CXXC5: variants seen among roughly 807,000 people sequenced by gnomAD.
CXXC5 encodes CXXC finger protein 5, also known as CXXC-type zinc finger protein 5.
A neutral mutation model predicts 17.6 loss-of-function variants in CXXC5; 2 were observed. The ratio of observed to expected loss-of-function variants is 0.11; its 90% CI spans 0.05 to 0.36. The LOEUF is 0.36. CXXC5 is among the 10% of genes least tolerant of loss of function. The pLI is 1.00. For synonymous variants in CXXC5, 171 were observed against 193.0 expected (o/e 0.89, Z 0.94); for missense variants, 343 against 458.3 (o/e 0.75, Z 2.30).
At chr5:139,648,949 G>C (rs912103127) in intron 1 of CXXC5, 104 bp downstream of exon 1, 1 of 152,238 alleles carries the variant, frequency 6.6e-6, no homozygotes, top group Non-Finnish European at 1.5e-5. Flanking sequence ...TGCGCGGCCG[G>C]GGCCGGAGTT....
chr5:139,665,679 G>A (rs868069772), intron 1 of CXXC5: 10 of 152,282 alleles, frequency 6.6e-5, no homozygotes, highest in African/African-American at 1.9e-4. Flanking sequence ...TGGTGGTTCC[G>A]GAGGTGGCGG....
chr5:139,666,570 G>A (rs748231483), intron 1 of CXXC5, among the ~76,000 whole-genome samples: 4 of 152,244 alleles, frequency 2.6e-5, no homozygotes, highest in Non-Finnish European at 5.9e-5. Context: ...CCTGGGACAG[G>A]TCAGGGATAC....
intron 1 of CXXC5, among the ~76,000 whole-genome samples, chr5:139,653,822 T>C (rs1755339648): frequency 6.6e-6 from 1 of 152,010 alleles, no homozygotes; most frequent in African/African-American, 2.4e-5. Flanking sequence ...ATTTCCTGCC[T>C]CTGATGCTGG....
chr5:139,660,790 C>T (rs1477849313), intron 1 of CXXC5, among the ~76,000 whole-genome samples: 1 of 148,964 alleles, frequency 6.7e-6, no homozygotes, highest in Non-Finnish European at 1.5e-5. Context: ...CTGGGAGCAG[C>T]TGCTGGGGTT....
chr5:139,677,034 G>A (rs565866609), intron 1 of CXXC5, among the ~76,000 whole-genome samples: 6 of 146,878 alleles, frequency 4.1e-5, no homozygotes, highest in South Asian at 2.2e-4. Flanking sequence ...CCCAGCTCCC[G>A]GCTGGCCGGC....
At chr5:139,682,040 T>C (rs1398757955) in intron 2 of CXXC5, among the ~76,000 whole-genome samples, 2 of 152,156 alleles carry the variant, frequency 1.3e-5, no homozygotes, top group African/African-American at 4.8e-5. Flanking sequence ...GAGGTGACCA[T>C]GAGCCCGGAG....
chr5:139,678,002 C>T (rs1756953304), intron 1 of CXXC5, among the ~76,000 whole-genome samples: 2 of 152,266 alleles, frequency 1.3e-5, no homozygotes, highest in African/African-American at 4.8e-5. Context: ...CACCAGCCAG[C>T]AGGCCGCAGA....
chr5:139,659,565 C>G (rs1413675217), intron 1 of CXXC5: 1 of 152,464 alleles, frequency 6.6e-6, no homozygotes, highest in African/African-American at 2.4e-5. Context: ...AAAGCCTTCC[C>G]CAGGGGCCTT....
chr5:139,663,349 C>T lies in CXXC5; in HGVS notation c.-161+14504C>T, dbSNP rs1755924506. On this transcript the variant is annotated intron_variant, in intron 1 of 2. Coordinates refer to ENST00000302517, the MANE Select transcript of CXXC5 (RefSeq NM_016463.9). This position sits in a 1 kb window ranked among gnomAD's most constrained non-coding sequence, Gnocchi z 4.2. The stretch of plus-strand genomic sequence containing the variant: ...GGAGCCTTTGCAGGGTGGCGAGAGG[C>T]TTGGGATGTGCCTTTGTGGCAGGGC... Among the ~76,000 whole-genome samples the T allele has an allele frequency of 6.6e-6, 1 of 152,130 alleles. No homozygotes were observed. The highest frequency in any genetic ancestry group is 2.4e-5 in the African/African-American group (1 of 41,414).
chr5:139,670,173 C>T lies in CXXC5; in HGVS notation c.-160-10191C>T, dbSNP rs1030734794. 2.0e-5 allele frequency among the ~76,000 whole-genome samples: 3 copies of T among 152,242 alleles called. No individual in the cohort carries two copies. The highest frequency in any genetic ancestry group is 4.4e-5 in the Non-Finnish European group (3 of 68,040). ...CCGGGGCTGCGGCGACACCTCCCTC[C>T]CTCCTCCTCAGCCTCCCGCCTCTCG... On this transcript the variant is annotated intron_variant, in intron 1 of 2. Coordinates refer to ENST00000302517, the MANE Select transcript of CXXC5 (RefSeq NM_016463.9). The surrounding 1 kb of genome is among the most constrained non-coding windows in gnomAD (Gnocchi z 4.2).
At chr5:139,673,882 A>G (rs1034827372) in intron 1 of CXXC5, among the ~76,000 whole-genome samples, 11 of 150,926 alleles carry the variant, frequency 7.3e-5, no homozygotes, top group African/African-American at 2.4e-4. Flanking sequence ...AGCTCTACAT[A>G]CTCCAGGTTT....
At position 139,670,268 on chromosome 5, in the gene CXXC5, G is replaced by T. The variant is rs907997607; in HGVS notation, c.-160-10096G>T. The stretch of plus-strand genomic sequence containing the variant: ...GCTTTTGTTTTCCAGTTTTTTCCAC[G>T]CTCAGGCCAGGCAGGCGGGTAGACA... On this transcript the variant is annotated intron_variant, in intron 1 of 2. Transcript: ENST00000302517. This position sits in a 1 kb window ranked among gnomAD's most constrained non-coding sequence, Gnocchi z 4.2. Among the ~76,000 whole-genome samples the T allele has an allele frequency of 1.3e-5, 2 of 152,200 alleles. No individual in the cohort carries two copies. Among genetic ancestry groups the T allele is most frequent in the Admixed American group, 1.3e-4 (2 of 15,286 alleles).
intron 1 of CXXC5, among the ~76,000 whole-genome samples, chr5:139,652,447 A>G (rs1410920181): frequency 6.6e-6 from 1 of 151,676 alleles, no homozygotes; most frequent in Non-Finnish European, 1.5e-5. Context: ...GGAATCTCCA[A>G]CCCTCCACCT....
rs964245072 is a variant in CXXC5 at position 139,670,514 on chromosome 5, G to A, written c.-160-9850G>A. Reference sequence around the variant, plus strand: ...ACCAGTTCCTGTCTACACCATCCCCGTCCCAGTAGGGCCCCAGACTCATAC... The same window carrying A: ...ACCAGTTCCTGTCTACACCATCCCCATCCCAGTAGGGCCCCAGACTCATAC... On this transcript the variant is annotated intron_variant, in intron 1 of 2. Coordinates refer to ENST00000302517, the MANE Select transcript of CXXC5 (RefSeq NM_016463.9). The surrounding 1 kb of genome is among the most constrained non-coding windows in gnomAD (Gnocchi z 4.2). Among the ~76,000 whole-genome samples, 8 of 152,232 alleles carry A rather than the reference G, an allele frequency of 5.3e-5. No homozygotes were observed. Among genetic ancestry groups the A allele is most frequent in the East Asian group, 1.9e-4 (1 of 5,188 alleles).
chr5:139,683,300 G>T lies in CXXC5; in HGVS notation c.*393G>T, dbSNP rs956460156. Reference sequence around the variant, plus strand: ...ATTTTCTGTAACCTTTTGAAATCTAGTTACTAATAAGCACTACTGTAATTT... The same window carrying T: ...ATTTTCTGTAACCTTTTGAAATCTATTTACTAATAAGCACTACTGTAATTT... On this transcript the variant is annotated 3_prime_UTR_variant, in exon 3 of 3. Transcript: ENST00000302517. 4 of 164,404 alleles carry T rather than the reference G, an allele frequency of 2.4e-5. No individual in the cohort carries two copies. Among genetic ancestry groups the T allele is most frequent in the Non-Finnish European group, 5.2e-5 (4 of 76,278 alleles). 10.2% of individuals were successfully genotyped at this position (164,404 alleles called of 1,614,324 possible). A position where few individuals can be genotyped will look rare whatever the true frequency, so the allele number is the denominator to read the frequency against.
chr5:139,679,293 A>C (rs1331525817), intron 1 of CXXC5, among the ~76,000 whole-genome samples: 9 of 152,250 alleles, frequency 5.9e-5, no homozygotes, highest in Non-Finnish European at 1.2e-4. Context: ...AGTAGAGACA[A>C]GAATGAGGTC....
At chr5:139,651,818 CG>C (rs1755195693) in intron 1 of CXXC5, among the ~76,000 whole-genome samples, 1 of 152,010 alleles carries the variant, frequency 6.6e-6, no homozygotes, top group Admixed American at 6.5e-5. Flanking sequence ...TCATTTAGTC[CG>C]AATTAACAAG....
chr5:139,680,730 C>G lies in CXXC5; in HGVS notation c.207C>G (p.Leu69=). The stretch of plus-strand genomic sequence containing the variant: ...AGAGCGGTATCATCAGTGAGCCCCT[C>G]AACAAGAGCCTGCGCCGCTCCCGCC... The part of the protein sequence containing the change: ...RNKSGIISEP[L]NKSLRRSRPL... The change falls in exon 2 of 3, where the codon CTC becomes CTG. Residue 69 remains leucine (L), a synonymous_variant. Coordinates refer to ENST00000302517, the MANE Select transcript of CXXC5 (RefSeq NM_016463.9). The G allele has an allele frequency of 1.9e-6, 3 of 1,613,530 alleles. No individual in the cohort carries two copies. Among genetic ancestry groups the G allele is most frequent in the Non-Finnish European group, 2.5e-6 (3 of 1,180,022 alleles).
chr5:139,672,759 T>C (rs1416629924), intron 1 of CXXC5, among the ~76,000 whole-genome samples: 1 of 152,096 alleles, frequency 6.6e-6, no homozygotes, highest in East Asian at 1.9e-4. Context: ...ATTTTACAAA[T>C]GGGAAACTGA....
Sources: allele counts gnomAD v4.1 joint callset (sites outside exome capture counted in the v4.1 genomes callset), GRCh38; gene constraint gnomAD v4.1.1; non-coding constraint Gnocchi (gnomAD v3.1); transcripts MANE v1.5; gene names NCBI Gene and HGNC (gene_info 2026-07-23, HGNC 2026-07-21).